ADARB1: variants seen among roughly 807,000 people sequenced by gnomAD.
ADARB1 encodes double-stranded RNA-specific editase 1.
Under a neutral mutation model 52.4 loss-of-function variants are expected in ADARB1, and 10 were observed. The observed-to-expected ratio is 0.19, with a 90% CI of 0.12 to 0.32. ADARB1 has a LOEUF of 0.32. ADARB1 is among the 10% of genes least tolerant of loss of function. The pLI is 1.00. For synonymous variants in ADARB1, 349 were observed against 371.1 expected (o/e 0.94, Z 0.68); for missense variants, 643 against 922.3 (o/e 0.70, Z 3.92).
chr21:45,150,647 G>C (rs552725153), intron 2 of ADARB1, among the ~76,000 whole-genome samples: 2 of 152,336 alleles, frequency 1.3e-5, no homozygotes, highest in East Asian at 3.9e-4. Context: ...CAGTGCCAGA[G>C]TGGCTGGCAG....
intron 2 of ADARB1, among the ~76,000 whole-genome samples, chr21:45,166,099 G>A (rs996663976): frequency 6.6e-6 from 1 of 152,072 alleles, no homozygotes; most frequent in Non-Finnish European, 1.5e-5. Context: ...AATAAGTCAT[G>A]TTTTTAATAT....
chr21:45,158,587 G>A (rs1004676872), intron 2 of ADARB1, among the ~76,000 whole-genome samples: 1 of 152,008 alleles, frequency 6.6e-6, no homozygotes, highest in Non-Finnish European at 1.5e-5. Flanking sequence ...GGACCTCCCC[G>A]AGGCCACTGT....
intron 2 of ADARB1, among the ~76,000 whole-genome samples, chr21:45,170,362 G>C (rs2091431515): frequency 6.6e-6 from 1 of 152,172 alleles, no homozygotes; most frequent in Non-Finnish European, 1.5e-5. Flanking sequence ...TTAGGTTCTT[G>C]TATCTAGCAC....
chr21:45,146,684 G>C (rs999228507), intron 2 of ADARB1, among the ~76,000 whole-genome samples: 1 of 152,240 alleles, frequency 6.6e-6, no homozygotes, highest in Non-Finnish European at 1.5e-5. Context: ...TTTTGAAAAC[G>C]TGAGTGTGTC....
rs2089793387 is a variant in ADARB1, at chr21:45,142,738, T to C, written c.-48+14165T>C. Reference sequence around the variant, plus strand: ...GCTGCTGCGGCCTAAGCGGCGTCCTTGCTTGGTCCCCCCATGAACTCAGGG... The same window carrying C: ...GCTGCTGCGGCCTAAGCGGCGTCCTCGCTTGGTCCCCCCATGAACTCAGGG... On this transcript the variant is annotated intron_variant, in intron 2 of 10. Transcript: ENST00000348831. This position sits in a 1 kb window ranked among gnomAD's most constrained non-coding sequence, Gnocchi z 4.0. 1.3e-5 allele frequency among the ~76,000 whole-genome samples: 2 copies of C among 152,172 alleles called. No homozygotes were observed. The highest frequency in any genetic ancestry group is 2.9e-5 in the Non-Finnish European group (2 of 68,014).
At position 45,100,312 on chromosome 21, in the gene ADARB1, C is replaced by T. The variant is rs1179227864; in HGVS notation, c.-220+25519C>T. 2.0e-5 allele frequency among the ~76,000 whole-genome samples: 3 copies of T among 152,298 alleles called. No individual in the cohort carries two copies. The East Asian group carries it at 5.8e-4, about 29-fold the overall frequency. ...GCTGGGCTTACTAACTAGGCTTGCA[C>T]TGGCCCCCGTCAGTCACTGTTCCCA... On this transcript the variant is annotated intron_variant, in intron 1 of 10. Coordinates refer to ENST00000348831, the MANE Select transcript of ADARB1 (RefSeq NM_001112.4).
chr21:45,130,550 G>A (rs1258590872), intron 2 of ADARB1, among the ~76,000 whole-genome samples: 1 of 152,150 alleles, frequency 6.6e-6, no homozygotes, highest in Non-Finnish European at 1.5e-5. Context: ...AAACAGTTTG[G>A]CGTGTTATTC....
intron 2 of ADARB1, chr21:45,152,620 C>A: frequency 2.3e-6 from 1 of 440,990 alleles, no homozygotes; most frequent in Admixed American, 2.4e-5. Flanking sequence ...TGGCGTCGTC[C>A]ACCACTGGGC....
At chr21:45,211,739 C>A (rs1019299793) in intron 9 of ADARB1, among the ~76,000 whole-genome samples, 1 of 152,208 alleles carries the variant, frequency 6.6e-6, no homozygotes, top group African/African-American at 2.4e-5. Context: ...GAGGGATTCT[C>A]GTTACCAGCC....
chr21:45,209,206 A>G (rs1436461547), intron 9 of ADARB1, among the ~76,000 whole-genome samples: 3 of 152,204 alleles, frequency 2.0e-5, no homozygotes, highest in Non-Finnish European at 2.9e-5. Context: ...TGATGACATC[A>G]TCTTGAGTTT....
In ADARB1 at chr21:45,200,332, T is replaced by A. The variant is rs372874546; in HGVS notation, c.1566-4223T>A. Among the ~76,000 whole-genome samples the A allele has an allele frequency of 6.6e-5, 10 of 152,186 alleles. No individual in the cohort carries two copies. Among genetic ancestry groups the A allele is most frequent in the African/African-American group, 2.4e-4 (10 of 41,524 alleles). On this transcript the variant is annotated intron_variant, in intron 8 of 10. Transcript: ENST00000348831. This position sits in a 1 kb window ranked among gnomAD's most constrained non-coding sequence, Gnocchi z 5.0. ...CCCCAGAGAGTTGTCCACAAGACCA[T>A]GGGGTGAGAGGCTCCCATGGGGTTG...
chr21:45,147,038 G>T (rs2145925121), intron 2 of ADARB1, among the ~76,000 whole-genome samples: 1 of 152,274 alleles, frequency 6.6e-6, no homozygotes, highest in South Asian at 2.1e-4. Flanking sequence ...CCCTCCTCAG[G>T]GGTCACGGCA....
In ADARB1 at chr21:45,224,856, C is replaced by T. The variant is rs1043669726; in HGVS notation, c.*2659C>T. ...ACGCTGACTCCTCCGTGAGACAGATCGGGGACCTTAGCACTTTAATCCCTC... is the reference window on the plus strand; with the variant it reads ...ACGCTGACTCCTCCGTGAGACAGATTGGGGACCTTAGCACTTTAATCCCTC... On this transcript the variant is annotated 3_prime_UTR_variant, in exon 11 of 11. Transcript: ENST00000348831. 1.0e-6 allele frequency: 1 copy of T among 985,738 alleles called. No homozygotes were observed. The highest frequency in any genetic ancestry group is 1.7e-5 in the African/African-American group (1 of 57,186). 61.1% of individuals were successfully genotyped at this position (985,738 alleles called of 1,614,324 possible).
intron 1 of ADARB1, among the ~76,000 whole-genome samples, chr21:45,087,179 C>G (rs899629348): frequency 6.6e-6 from 1 of 152,238 alleles, no homozygotes; most frequent in Non-Finnish European, 1.5e-5. Flanking sequence ...CACAGAAACA[C>G]TTACCCTTTG....
chr21:45,185,111 T>C lies in ADARB1; in HGVS notation c.1565+20T>C. ...TGCACGGTAAGGGGCGGGGGCTCCC[T>C]GTGGCCACCTCCCTGCACACAGGAT... is the stretch of plus-strand genomic sequence containing the variant. On this transcript the variant is annotated intron_variant, in intron 8 of 10. Coordinates refer to ENST00000348831, the MANE Select transcript of ADARB1 (RefSeq NM_001112.4). 6.2e-7 allele frequency: 1 copy of C among 1,610,782 alleles called. No homozygotes were observed. Among genetic ancestry groups the C allele is most frequent in the Non-Finnish European group, 8.5e-7 (1 of 1,178,002 alleles).
chr21:45,161,303 A>T (rs2090951073), intron 2 of ADARB1, among the ~76,000 whole-genome samples: 1 of 152,188 alleles, frequency 6.6e-6, no homozygotes, highest in African/African-American at 2.4e-5. Flanking sequence ...GGACCCAGGC[A>T]TCCCTGCACT....
In ADARB1 at chr21:45,128,211, C is replaced by T. The variant is rs946788279; in HGVS notation, c.-219-191C>T. The stretch of plus-strand genomic sequence containing the variant: ...CCTCTACCTGCTGCAGGCAGACGGA[C>T]GGAGACGTGATGGATTGCGCATATC... On this transcript the variant is annotated intron_variant, in intron 1 of 10. Transcript: ENST00000348831. This position sits in a 1 kb window ranked among gnomAD's most constrained non-coding sequence, Gnocchi z 4.6. Among the ~76,000 whole-genome samples the T allele has an allele frequency of 6.6e-5, 10 of 152,130 alleles. No homozygotes were observed. The highest frequency in any genetic ancestry group is 3.9e-4 in the East Asian group (2 of 5,192).
intron 2 of ADARB1, among the ~76,000 whole-genome samples, chr21:45,147,154 G>T (rs1459801701): frequency 6.6e-6 from 1 of 152,192 alleles, no homozygotes; most frequent in African/African-American, 2.4e-5. Flanking sequence ...TAATCACAGT[G>T]TGGAGTCATT....
chr21:45,143,260 C>T (rs2089826881), intron 2 of ADARB1, among the ~76,000 whole-genome samples: 1 of 152,176 alleles, frequency 6.6e-6, no homozygotes, highest in Non-Finnish European at 1.5e-5. Context: ...CCCTGCTCTC[C>T]AAACTCAGAC....
Sources: gnomAD v4.1 joint callset for allele counts (sites outside exome capture counted in the v4.1 genomes callset) on GRCh38, gnomAD v4.1.1 for gene constraint, Gnocchi (gnomAD v3.1) non-coding constraint, MANE v1.5 for transcripts, NCBI Gene and HGNC (gene_info 2026-07-23, HGNC 2026-07-21) for gene names.